The following WDR72 variants were observed in gnomAD, a reference collection of about 807,000 sequenced individuals.
WDR72 encodes the protein WD repeat domain 72.
WDR72 carries 120 observed loss-of-function variants against 124.2 expected under a neutral mutation model. The ratio of observed to expected loss-of-function variants is 0.97; its 90% CI spans 0.83 to 1.12. WDR72 has a LOEUF of 1.12. Among genes scored for constraint, WDR72 ranks in the 50% most tolerant of loss-of-function variants. The pLI, the probability that WDR72 is intolerant of heterozygous loss-of-function variation, is 0.00. For missense variants in WDR72, 1,387 were observed against 1,278.8 expected, an observed-to-expected ratio of 1.08 and a Z score of -1.29; for synonymous variants, 452 against 441.7, an observed-to-expected ratio of 1.02 and a Z score of -0.29.
intron 17 of WDR72, among the ~76,000 whole-genome samples, chr15:53,606,050 C>A (rs1342676276): frequency 6.6e-6 from 1 of 152,086 alleles, no homozygotes; most frequent in African/African-American, 2.4e-5. Flanking sequence ...TCTGGACTTC[C>A]TGTAGAGTGG....
chr15:53,628,751 T>C (rs889641981), intron 14 of WDR72, among the ~76,000 whole-genome samples: 2 of 152,232 alleles, frequency 1.3e-5, no homozygotes, highest in African/African-American at 4.8e-5. Context: ...CTAGTCAAGA[T>C]GGCAAAGTTT....
intron 13 of WDR72, among the ~76,000 whole-genome samples, chr15:53,670,607 C>G (rs140899879): frequency 1.9e-4 from 29 of 152,300 alleles, no homozygotes; most frequent in Non-Finnish European, 2.2e-4. Context: ...GTAGTTAAAT[C>G]CTTGTTTTAC....
At position 53,615,669 on chromosome 15, in the gene WDR72, C is replaced by T; in HGVS notation, c.2537G>A (p.Trp846Ter). 1 of 1,611,590 alleles carries T rather than the reference C, an allele frequency of 6.2e-7. No homozygotes were observed. Among genetic ancestry groups the T allele is most frequent in the Non-Finnish European group, 8.5e-7 (1 of 1,178,736 alleles). Residue 846 changes from tryptophan (W) to a stop codon, truncating the protein, a stop_gained, in exon 15 of 20, where the codon TGG becomes TAG. Coordinates refer to ENST00000360509, the MANE Select transcript of WDR72 (RefSeq NM_182758.4). LOFTEE classifies it high-confidence loss of function. ...TATCATTCCACTATTGCATAAATCCCAACCTGGCAACATCAGTGAGAAATT... is the reference window on the plus strand; with the variant it reads ...TATCATTCCACTATTGCATAAATCCTAACCTGGCAACATCAGTGAGAAATT... ...EDNFSLMLPG[W>*]DLCNSGMIKD...
chr15:53,679,697 T>C (rs924672338), intron 13 of WDR72, among the ~76,000 whole-genome samples: 1 of 152,086 alleles, frequency 6.6e-6, no homozygotes, highest in Admixed American at 6.6e-5. Context: ...ATTAAATCAA[T>C]GGGAGGCAAA....
intron 14 of WDR72, among the ~76,000 whole-genome samples, chr15:53,637,099 T>C (rs1365991727): frequency 6.6e-6 from 1 of 152,172 alleles, no homozygotes; most frequent in Non-Finnish European, 1.5e-5. Context: ...AATCACTCAA[T>C]ATGTGGACCT....
At chr15:53,570,544 A>G (rs1199486595) in intron 18 of WDR72, among the ~76,000 whole-genome samples, 1 of 152,154 alleles carries the variant, frequency 6.6e-6, no homozygotes, top group Admixed American at 6.6e-5. Context: ...ATACTGTCTC[A>G]TACCAGTCAG....
At chr15:53,637,528 G>C (rs921188604) in intron 14 of WDR72, among the ~76,000 whole-genome samples, 2 of 152,182 alleles carry the variant, frequency 1.3e-5, no homozygotes, top group Admixed American at 1.3e-4. Context: ...CAAATTCATT[G>C]AGTTGGCATA....
Position 53,702,238 on chromosome 15 carries a change from A to C in WDR72, c.1465T>G (p.Ser489Ala). The C allele has an allele frequency of 6.2e-7, 1 of 1,614,186 alleles. No homozygotes were observed. Among genetic ancestry groups the C allele is most frequent in the Non-Finnish European group, 8.5e-7 (1 of 1,180,030 alleles). The change falls in exon 12 of 20, where the codon TCA (serine) becomes GCA (alanine). Residue 489 changes from serine (S) to alanine (A), a missense_variant. Coordinates refer to ENST00000360509, the MANE Select transcript of WDR72 (RefSeq NM_182758.4). ...AAGATATCCCACAAGATCACACATG[A>C]GTCCAGGTCCCCAGACAACATCCAA... ...QSWMLSGDLDSCVILWDIFTE... is the reference protein window; with the variant it reads ...QSWMLSGDLDACVILWDIFTE...
rs1030177147 is a variant in WDR72, at chr15:53,716,625, G to A, written c.321C>T (p.Tyr107=). The change falls in exon 4 of 20, where the codon TAC becomes TAT. Residue 107 remains tyrosine (Y), a synonymous_variant. Transcript: ENST00000360509. ...GQCMEKATLP[Y]RHTAICYYHC... is the part of the protein sequence containing the mutation. ...TACTTACACAGATTGCAGTGTGCCT[G>A]TAAGGAAGTGTAGCCTTCTCCATGC... The A allele has an allele frequency of 2.5e-6, 4 of 1,608,406 alleles. No individual in the cohort carries two copies. Among genetic ancestry groups the A allele is most frequent in the Non-Finnish European group, 3.4e-6 (4 of 1,174,778 alleles).
chr15:53,608,102 A>C (rs1179375136), intron 17 of WDR72, among the ~76,000 whole-genome samples: 1 of 152,166 alleles, frequency 6.6e-6, no homozygotes, highest in Admixed American at 6.5e-5. Context: ...GAGGTTCCTC[A>C]AAAAACTAAA....
At chr15:53,719,940 G>A (rs970497626) in intron 3 of WDR72, among the ~76,000 whole-genome samples, 7 of 151,792 alleles carry the variant, frequency 4.6e-5, no homozygotes, top group African/African-American at 1.5e-4. Context: ...TTTCTATTGG[G>A]GCCAAGGCTT....
upstream of WDR72, among the ~76,000 whole-genome samples, chr15:53,761,635 G>A (rs995325666): frequency 4.6e-5 from 7 of 152,178 alleles, no homozygotes; most frequent in African/African-American, 1.7e-4. Context: ...AGACCAGCCT[G>A]GACAATAGGA....
At chr15:53,730,035 GA>G (rs1567053224) in intron 2 of WDR72, among the ~76,000 whole-genome samples, 2 of 152,144 alleles carry the variant, frequency 1.3e-5, no homozygotes, top group Admixed American at 1.3e-4. Context: ...CAAAAGAGTT[GA>G]AAGCAAGGAT....
rs768469449 is a variant in WDR72, at chr15:53,514,376, G to C, written c.*3323C>G. 7.9e-5 allele frequency: 12 copies of C among 151,998 alleles called. No individual in the cohort carries two copies. The highest frequency in any genetic ancestry group is 1.5e-4 in the Non-Finnish European group (10 of 68,000). The allele number at this position is 151,998 out of a possible 1,614,324, so 9.4% of individuals were successfully genotyped here. ...AAATCAGTTGGAATTAATGTAACCT[G>C]AACTTTCATTTTAAATACATGGCAT... is the stretch of plus-strand genomic sequence containing the variant. On this transcript the variant is annotated 3_prime_UTR_variant, in exon 20 of 20. Coordinates refer to ENST00000360509, the MANE Select transcript of WDR72 (RefSeq NM_182758.4).
chr15:53,611,141 C>T (rs961119116), intron 16 of WDR72, among the ~76,000 whole-genome samples: 3 of 152,090 alleles, frequency 2.0e-5, no homozygotes, highest in East Asian at 1.9e-4. Flanking sequence ...TTCCTAACAA[C>T]GTTTTAGATG....
intron 18 of WDR72, among the ~76,000 whole-genome samples, chr15:53,579,891 G>C (rs1164339702): frequency 6.6e-6 from 1 of 152,094 alleles, no homozygotes; most frequent in African/African-American, 2.4e-5. Context: ...CCAACAGCTG[G>C]AGTAAGTCTA....
chr15:53,609,447 G>A (rs755727830), intron 17 of WDR72, 66 bp downstream of exon 17: 28 of 1,340,302 alleles, frequency 2.1e-5, no homozygotes, highest in Non-Finnish European at 3.0e-5. Context: ...GATAGAGGGG[G>A]GTATCCATGA....
chr15:53,702,486 T>C lies in WDR72; in HGVS notation c.1349-132A>G, dbSNP rs1022989158. 8 of 720,168 alleles carry C rather than the reference T, an allele frequency of 1.1e-5. No individual in the cohort carries two copies. The Admixed American group carries it at 2.0e-4, about 18-fold the overall frequency. The allele number at this position is 720,168 out of a possible 1,614,324, so 44.6% of individuals were successfully genotyped here. ...AAAGCATGCACTTGGCTAAGAAAAC[T>C]AGTGAACATCCTTAGATCATCTTGA... On this transcript the variant is annotated intron_variant, in intron 11 of 19. Transcript: ENST00000360509.
chr15:53,719,346 G>A (rs1315807695), intron 3 of WDR72, among the ~76,000 whole-genome samples: 1 of 151,860 alleles, frequency 6.6e-6, no homozygotes, highest in African/African-American at 2.4e-5. Context: ...CTAGATATTT[G>A]TCTTATACTT....
Sources: allele counts gnomAD v4.1 joint callset (sites outside exome capture counted in the v4.1 genomes callset), GRCh38; gene constraint gnomAD v4.1.1; transcripts MANE v1.5; gene names NCBI Gene and HGNC (gene_info 2026-07-23, HGNC 2026-07-21).